The following ADAM22 variants were observed in gnomAD, a reference collection of about 807,000 sequenced individuals.
ADAM22 encodes disintegrin and metalloproteinase domain-containing protein 22.
ADAM22 carries 65 observed loss-of-function variants against 144.6 expected under a neutral mutation model. That is an observed-to-expected ratio of 0.45 (90% CI 0.37 to 0.55). The LOEUF (loss-of-function observed/expected upper bound fraction) is 0.55. Ranked by LOEUF, ADAM22 falls within the 20% of genes least tolerant of loss-of-function variation. The pLI is 0.00. For missense variants in ADAM22, 974 were observed against 1,184.9 expected, an observed-to-expected ratio of 0.82 and a Z score of 2.61; for synonymous variants, 391 against 412.6, an observed-to-expected ratio of 0.95 and a Z score of 0.63.
intron 3 of ADAM22, among the ~76,000 whole-genome samples, chr7:88,053,707 A>G (rs1331371340): frequency 6.6e-6 from 1 of 152,196 alleles, no homozygotes; most frequent in Non-Finnish European, 1.5e-5. Context: ...ATTCCATACT[A>G]ATACATGTAG....
At chr7:88,028,110 A>G (rs1018507944) in intron 3 of ADAM22, among the ~76,000 whole-genome samples, 1 of 152,164 alleles carries the variant, frequency 6.6e-6, no homozygotes, top group Non-Finnish European at 1.5e-5. Flanking sequence ...TGATGTAAGC[A>G]GTTATAGCTA....
At chr7:88,049,679 G>C (rs1375996796) in intron 3 of ADAM22, among the ~76,000 whole-genome samples, 2 of 152,158 alleles carry the variant, frequency 1.3e-5, no homozygotes, top group African/African-American at 4.8e-5. Flanking sequence ...TTACAGACGT[G>C]AGCAAGTGCA....
chr7:88,067,400 C>T (rs550094225), intron 3 of ADAM22, among the ~76,000 whole-genome samples: 2 of 151,942 alleles, frequency 1.3e-5, no homozygotes, highest in East Asian at 1.9e-4. Context: ...TCCCTCCTCC[C>T]CCCACCCCAC....
intron 3 of ADAM22, among the ~76,000 whole-genome samples, chr7:88,019,079 A>C (rs900846610): frequency 2.0e-5 from 3 of 152,214 alleles, no homozygotes; most frequent in African/African-American, 7.2e-5. Context: ...CCAAAAAAAA[A>C]AAAGTTTAGC....
chr7:88,067,675 A>T (rs952564501), intron 3 of ADAM22, among the ~76,000 whole-genome samples: 3 of 152,120 alleles, frequency 2.0e-5, no homozygotes, highest in African/African-American at 7.2e-5. Context: ...TTTATTAGGA[A>T]CAGGATTCTA....
chr7:87,937,576 C>T (rs1479388500), intron 2 of ADAM22, among the ~76,000 whole-genome samples: 1 of 152,144 alleles, frequency 6.6e-6, no homozygotes, highest in Admixed American at 6.5e-5. Flanking sequence ...GAAAGACCAC[C>T]ACTTTTGAAA....
At chr7:88,094,420 G>A (rs1820718410) in intron 4 of ADAM22, among the ~76,000 whole-genome samples, 1 of 152,222 alleles carries the variant, frequency 6.6e-6, no homozygotes, top group Non-Finnish European at 1.5e-5. Flanking sequence ...CTTGGTGTGT[G>A]AAAGGGGCAG....
chr7:87,970,638 T>C (rs1850209195), intron 2 of ADAM22, among the ~76,000 whole-genome samples: 1 of 152,208 alleles, frequency 6.6e-6, no homozygotes, highest in Non-Finnish European at 1.5e-5. Context: ...GTTTGATCTC[T>C]GGGATAGGTA....
chr7:88,037,895 T>A (rs1393415034), intron 3 of ADAM22, among the ~76,000 whole-genome samples: 1 of 152,220 alleles, frequency 6.6e-6, no homozygotes, highest in Non-Finnish European at 1.5e-5. Flanking sequence ...TGTGCCAATA[T>A]TCAGAGAGTC....
At position 88,132,947 on chromosome 7, in the gene ADAM22, A is replaced by G. The variant is rs1350192240; in HGVS notation, c.1073A>G (p.Asn358Ser). 8 of 1,613,772 alleles carry G rather than the reference A, an allele frequency of 5.0e-6. No individual in the cohort carries two copies. Residue 358 changes from asparagine (N) to serine (S), a missense_variant, in exon 12 of 32, where the codon AAT becomes AGT. Asn to Ser is a conservative substitution (Grantham distance 46). Transcript: ENST00000413139. The stretch of plus-strand genomic sequence containing the variant: ...TCGTTGCTGAAAGGAGGAGGCGTGA[A>G]TGAAGTAGGTGTGAACATCTGTACA... ...ICSLLKGGGV[N>S]EFGKTDLMAV...
chr7:88,153,216 C>T lies in ADAM22; in HGVS notation c.1682-5C>T, dbSNP rs1428519489. 3 of 1,609,904 alleles carry T rather than the reference C, an allele frequency of 1.9e-6. No homozygotes were observed. The highest frequency in any genetic ancestry group is 2.5e-6 in the Non-Finnish European group (3 of 1,178,228). On this transcript the variant is annotated splice_polypyrimidine_tract_variant and splice_region_variant and intron_variant, in intron 20 of 31. Coordinates refer to ENST00000413139, the MANE Select transcript of ADAM22 (RefSeq NM_001324418.2). The stretch of plus-strand genomic sequence containing the variant: ...TCACTGATAGAAAATTTTTTTCTGC[C>T]TTAGAGGTGACAGCATCAGACAAAT...
At chr7:88,003,813 G>T (rs1327242484) in intron 3 of ADAM22, among the ~76,000 whole-genome samples, 1 of 152,170 alleles carries the variant, frequency 6.6e-6, no homozygotes, top group Non-Finnish European at 1.5e-5. Context: ...TTTGGGAAAA[G>T]CTCTGCATTA....
intron 2 of ADAM22, among the ~76,000 whole-genome samples, chr7:87,971,616 G>T (rs1637496): frequency 6.6e-6 from 1 of 151,458 alleles, no homozygotes. Flanking sequence ...TATCTGTGAG[G>T]GGTATTACTA....
At chr7:88,039,463 AAAT>A (rs1329435241) in intron 3 of ADAM22, among the ~76,000 whole-genome samples, 17 of 109,404 alleles carry the variant, frequency 1.6e-4, no homozygotes, top group African/African-American at 6.3e-4. Context: ...AAAAAAAAAA[AAAT>A]ATATATATAT....
In ADAM22 at chr7:88,131,262, A is replaced by G. The variant is rs572174500; in HGVS notation, c.826-7A>G. The G allele has an allele frequency of 2.9e-5, 47 of 1,610,564 alleles. No homozygotes were observed. The highest frequency in any genetic ancestry group is 2.1e-4 in the African/African-American group (16 of 74,854). On this transcript the variant is annotated splice_region_variant and splice_polypyrimidine_tract_variant and intron_variant, in intron 10 of 31. Transcript: ENST00000413139. Reference sequence around the variant, plus strand: ...CAGCTGATGTGTTCATTTTATTAATATACTAGATATATAAAGACCAACTTA... The same window carrying G: ...CAGCTGATGTGTTCATTTTATTAATGTACTAGATATATAAAGACCAACTTA...
At chr7:88,111,296 A>G (rs1825978517) in intron 5 of ADAM22, among the ~76,000 whole-genome samples, 1 of 152,138 alleles carries the variant, frequency 6.6e-6, no homozygotes, top group Admixed American at 6.5e-5. Context: ...TGTTGTCCCA[A>G]TTACAGTGGT....
At chr7:88,111,867 A>G (rs1226642183) in intron 5 of ADAM22, among the ~76,000 whole-genome samples, 2 of 152,204 alleles carry the variant, frequency 1.3e-5, no homozygotes, top group African/African-American at 2.4e-5. Context: ...TGAGATACAG[A>G]TAGTGTCAGA....
intron 3 of ADAM22, among the ~76,000 whole-genome samples, chr7:88,029,880 G>T (rs571651834): frequency 6.6e-5 from 10 of 150,730 alleles, no homozygotes; most frequent in African/African-American, 2.4e-4. Flanking sequence ...TTTTTCTCCT[G>T]CTACTTTTAG....
intron 3 of ADAM22, among the ~76,000 whole-genome samples, chr7:88,070,761 C>T (rs544329841): frequency 5.3e-5 from 8 of 152,062 alleles, no homozygotes; most frequent in Admixed American, 4.6e-4. Flanking sequence ...ATTTGAGATG[C>T]CTATTTGACA....
Sources: allele counts gnomAD v4.1 joint callset (sites outside exome capture counted in the v4.1 genomes callset), GRCh38; gene constraint gnomAD v4.1.1; transcripts MANE v1.5; gene names NCBI Gene and HGNC (gene_info 2026-07-23, HGNC 2026-07-21).